The following ARB2A variants were observed in gnomAD, a reference collection of about 807,000 sequenced individuals.
The protein encoded by ARB2A is cotranscriptional regulator ARB2A.
chr5:93,979,933 A>G, the ARB2A span, among the ~76,000 whole-genome samples: 10 of 152,274 alleles, frequency 6.6e-5, no homozygotes, highest in African/African-American at 2.4e-4. Flanking sequence ...TGAATAGTTC[A>G]AAGACTTTAG....
At chr5:93,745,655 C>G in the ARB2A span, among the ~76,000 whole-genome samples, 3 of 152,090 alleles carry the variant, frequency 2.0e-5, no homozygotes, top group Non-Finnish European at 2.9e-5. Flanking sequence ...CTCTAGTTCT[C>G]TGTAGCAGAG....
the ARB2A span, among the ~76,000 whole-genome samples, chr5:93,742,070 C>T: frequency 2.0e-5 from 3 of 152,130 alleles, no homozygotes; most frequent in African/African-American, 7.2e-5. Context: ...TTTGCACATC[C>T]CCAGTCCCTG....
the ARB2A span, among the ~76,000 whole-genome samples, chr5:93,667,869 C>T: frequency 6.6e-6 from 1 of 152,120 alleles, no homozygotes; most frequent in Non-Finnish European, 1.5e-5. Context: ...AGGTGAATTT[C>T]ACTGCCAAAA....
chr5:93,768,023 A>G, the ARB2A span, among the ~76,000 whole-genome samples: 80 of 146,950 alleles, frequency 5.4e-4, no homozygotes, highest in African/African-American at 1.9e-3. Context: ...AAAAAAAAAA[A>G]GGAATGAATT....
chr5:93,912,215 T>C, the ARB2A span, among the ~76,000 whole-genome samples: 1 of 151,776 alleles, frequency 6.6e-6, no homozygotes. Context: ...TAATTTACTC[T>C]GGTTCTTCAC....
the ARB2A span, among the ~76,000 whole-genome samples, chr5:94,006,775 C>T: frequency 6.6e-6 from 1 of 152,056 alleles, no homozygotes; most frequent in Non-Finnish European, 1.5e-5. Context: ...TACTAGGATA[C>T]ATTACAATGA....
the ARB2A span, among the ~76,000 whole-genome samples, chr5:94,076,254 A>G: frequency 2.0e-5 from 3 of 152,172 alleles, no homozygotes; most frequent in Non-Finnish European, 4.4e-5. Context: ...CTGTTACTCA[A>G]TGGTGTGAGA....
the ARB2A span, among the ~76,000 whole-genome samples, chr5:93,659,179 G>A: frequency 6.6e-6 from 1 of 151,880 alleles, no homozygotes; most frequent in African/African-American, 2.4e-5. Context: ...CTCCATGACA[G>A]AAACAACTGA....
the ARB2A span, among the ~76,000 whole-genome samples, chr5:93,666,097 A>G: frequency 6.6e-6 from 1 of 152,256 alleles, no homozygotes; most frequent in Admixed American, 6.5e-5. Flanking sequence ...CCTGACAGTA[A>G]CAATGAGTCT....
At chr5:93,730,844 T>C in the ARB2A span, among the ~76,000 whole-genome samples, 9 of 152,216 alleles carry the variant, frequency 5.9e-5, no homozygotes, top group African/African-American at 1.9e-4. Context: ...GAGAGTTCAA[T>C]TGTCCTGCTC....
the ARB2A span, chr5:93,740,854 G>A: frequency 3.1e-6 from 5 of 1,613,846 alleles, no homozygotes; most frequent in Non-Finnish European, 8.5e-7. Context: ...GATTTGCTGG[G>A]GTGTGGGCTT....
the ARB2A span, among the ~76,000 whole-genome samples, chr5:93,692,782 A>C: frequency 3.3e-5 from 5 of 152,214 alleles, no homozygotes. Context: ...CTTATTCTAA[A>C]ACTGACCATA....
At chr5:94,075,262 T>G in the ARB2A span, among the ~76,000 whole-genome samples, 1 of 152,032 alleles carries the variant, frequency 6.6e-6, no homozygotes, top group South Asian at 2.1e-4. Context: ...ATCTACAAAT[T>G]TCCTATAGTG....
At chr5:93,736,175 T>C in the ARB2A span, 1 of 152,124 alleles carries the variant, frequency 6.6e-6, no homozygotes, top group African/African-American at 2.4e-5. Context: ...GGCCATCATA[T>C]TTCCAATGTG....
the ARB2A span, among the ~76,000 whole-genome samples, chr5:93,889,263 AAT>A: frequency 6.6e-6 from 1 of 151,852 alleles, no homozygotes; most frequent in African/African-American, 2.4e-5. Flanking sequence ...ATGAAAATGT[AAT>A]GTTTGAGGAT....
chr5:93,785,451 T>C, the ARB2A span, among the ~76,000 whole-genome samples: 2 of 152,178 alleles, frequency 1.3e-5, no homozygotes, highest in Admixed American at 1.3e-4. Flanking sequence ...TTTCTATGAA[T>C]TGTCTATCAA....
the ARB2A span, among the ~76,000 whole-genome samples, chr5:93,977,512 T>A: frequency 6.6e-6 from 1 of 151,978 alleles, no homozygotes; most frequent in Non-Finnish European, 1.5e-5. Flanking sequence ...AAATAAACAA[T>A]GGGGAAAGGA....
At chr5:93,854,635 C>G in the ARB2A span, among the ~76,000 whole-genome samples, 95 of 152,284 alleles carry the variant, frequency 6.2e-4, no homozygotes, top group African/African-American at 2.2e-3. Context: ...GAATGTGTCC[C>G]AGAGATTCTG....
the ARB2A span, among the ~76,000 whole-genome samples, chr5:93,897,102 A>G: frequency 2.0e-5 from 3 of 151,990 alleles, no homozygotes; most frequent in East Asian, 5.8e-4. Context: ...AGCAAGCCAT[A>G]TAACTCAAAT....
Sources: gnomAD v4.1 joint callset for allele counts (sites outside exome capture counted in the v4.1 genomes callset) on GRCh38, gnomAD v4.1.1 for gene constraint, MANE v1.5 for transcripts, NCBI Gene and HGNC (gene_info 2026-07-23, HGNC 2026-07-21) for gene names.